Variants in DOCK4 observed in about 807,000 individuals in gnomAD.
The protein encoded by DOCK4 is dedicator of cytokinesis 4.
A neutral mutation model predicts 268.1 loss-of-function variants in DOCK4; 97 were observed. That is an observed-to-expected ratio of 0.36 (90% confidence interval 0.31 to 0.43). The LOEUF (loss-of-function observed/expected upper bound fraction) is 0.43. Among genes scored for constraint, DOCK4 ranks in the 20% least tolerant of loss-of-function variants. The pLI is 1.00. For missense variants in DOCK4, 2,145 were observed against 2,455.7 expected (o/e 0.87, Z 2.67); for synonymous variants, 954 against 887.2 (o/e 1.08, Z -1.34).
In DOCK4 at chr7:112,164,317, CATATTA is replaced by C. The variant is rs146777428; in HGVS notation, c.37+41779_37+41784del. On this transcript the variant is annotated intron_variant, in intron 1 of 52. Transcript: ENST00000428084. ...GTCTTGAAGGCATTTGTATTCTAAT[CATATTA>C]ATATCACCCTGCACATCTTTACTGG... Among the ~76,000 whole-genome samples the C allele has an allele frequency of 4.5e-3, 686 of 152,168 alleles. 7 individuals are homozygous for C. The highest frequency in any genetic ancestry group is 0.016 in the African/African-American group (661 of 41,508).
At chr7:111,939,036 T>C (rs1370737780) in intron 11 of DOCK4, among the ~76,000 whole-genome samples, 1 of 149,364 alleles carries the variant, frequency 6.7e-6, no homozygotes, top group Non-Finnish European at 1.5e-5. Context: ...ATGAACACCA[T>C]GTGAAGATGA....
At chr7:112,006,489 T>C (rs927194724) in intron 1 of DOCK4, among the ~76,000 whole-genome samples, 1 of 152,228 alleles carries the variant, frequency 6.6e-6, no homozygotes, top group Non-Finnish European at 1.5e-5. Flanking sequence ...AACCATGTAT[T>C]ATCTCATTTC....
intron 10 of DOCK4, among the ~76,000 whole-genome samples, chr7:111,942,389 G>A (rs1451062521): frequency 6.6e-6 from 1 of 152,146 alleles, no homozygotes; most frequent in East Asian, 1.9e-4. Flanking sequence ...TAAGAAGTAT[G>A]TGTCCCTTGT....
At chr7:112,083,083 ACTT>A (rs1316232671) in intron 1 of DOCK4, among the ~76,000 whole-genome samples, 12 of 152,128 alleles carry the variant, frequency 7.9e-5, no homozygotes, top group Admixed American at 6.5e-4. Flanking sequence ...TTAATAATGT[ACTT>A]CTTTTCAGAG....
chr7:112,041,451 G>A (rs1411063279), intron 1 of DOCK4, among the ~76,000 whole-genome samples: 3 of 152,126 alleles, frequency 2.0e-5, no homozygotes, highest in Admixed American at 6.6e-5. Context: ...TTCAGATGAA[G>A]GTTGGTGGGG....
At chr7:112,187,404 C>A (rs909185549) in intron 1 of DOCK4, among the ~76,000 whole-genome samples, 1 of 152,152 alleles carries the variant, frequency 6.6e-6, no homozygotes, top group African/African-American at 2.4e-5. Flanking sequence ...GTGCAACAGC[C>A]ACATTTCCTT....
intron 1 of DOCK4, among the ~76,000 whole-genome samples, chr7:112,078,895 G>A (rs1808331107): frequency 6.6e-6 from 1 of 152,154 alleles, no homozygotes; most frequent in African/African-American, 2.4e-5. Flanking sequence ...GGAGGTCGAG[G>A]CAGGTGGATC....
At chr7:111,873,510 G>GAC (rs1806598538) in intron 17 of DOCK4, among the ~76,000 whole-genome samples, 1 of 152,194 alleles carries the variant, frequency 6.6e-6, no homozygotes, top group African/African-American at 2.4e-5. Flanking sequence ...GCCGAGAGAG[G>GAC]AGCCAGGACA....
intron 22 of DOCK4, among the ~76,000 whole-genome samples, chr7:111,864,681 C>A (rs1805828631): frequency 1.3e-5 from 2 of 152,146 alleles, no homozygotes; most frequent in Non-Finnish European, 2.9e-5. Context: ...ACAGCAATGG[C>A]CCTTGGCTCT....
At chr7:112,205,327 A>T (rs2116915519) in intron 1 of DOCK4, among the ~76,000 whole-genome samples, 1 of 151,760 alleles carries the variant, frequency 6.6e-6, no homozygotes, top group South Asian at 2.1e-4. Context: ...CTCCCCATTT[A>T]TCACTCAGCA....
chr7:112,020,292 C>A (rs765390898), intron 1 of DOCK4, among the ~76,000 whole-genome samples: 3 of 152,124 alleles, frequency 2.0e-5, no homozygotes, highest in Non-Finnish European at 2.9e-5. Context: ...TTGGGTCCTG[C>A]TAGAAGTAAC....
intron 3 of DOCK4, among the ~76,000 whole-genome samples, chr7:112,000,234 A>T (rs1161654257): frequency 6.6e-6 from 1 of 152,140 alleles, no homozygotes; most frequent in Non-Finnish European, 1.5e-5. Flanking sequence ...CTACCACTTC[A>T]AAAAGATTTT....
chr7:111,735,438 A>C (rs1453577929), intron 50 of DOCK4, among the ~76,000 whole-genome samples: 1 of 152,192 alleles, frequency 6.6e-6, no homozygotes, highest in Non-Finnish European at 1.5e-5. Context: ...ACTTGCTGAG[A>C]ATTACAAATG....
chr7:112,034,082 T>C lies in DOCK4; in HGVS notation c.38-29951A>G, dbSNP rs140742868. ...CATATGGGAAATACAGAGAGAGCTGTTCATGTGTGCATTTTGAGGGCAGGA... is the reference window on the plus strand; with the variant it reads ...CATATGGGAAATACAGAGAGAGCTGCTCATGTGTGCATTTTGAGGGCAGGA... On this transcript the variant is annotated intron_variant, in intron 1 of 52. Coordinates refer to ENST00000428084, the MANE Select transcript of DOCK4 (RefSeq NM_001363540.2). Among the ~76,000 whole-genome samples, 880 of 152,198 alleles carry C rather than the reference T, an allele frequency of 5.8e-3. 31 individuals are homozygous for C. The highest frequency in any genetic ancestry group is 0.052 in the Admixed American group (789 of 15,274).
At chr7:111,955,749 T>A (rs1271846218) in intron 8 of DOCK4, among the ~76,000 whole-genome samples, 2 of 152,350 alleles carry the variant, frequency 1.3e-5, no homozygotes, top group South Asian at 4.1e-4. Context: ...TCAGCTGCTG[T>A]TTCACATCTT....
At chr7:112,034,620 G>C (rs1177125643) in intron 1 of DOCK4, among the ~76,000 whole-genome samples, 1 of 152,216 alleles carries the variant, frequency 6.6e-6, no homozygotes, top group Non-Finnish European at 1.5e-5. Context: ...AAAAATTTTG[G>C]CCAGATGCGG....
chr7:112,023,740 C>A (rs1708323579), intron 1 of DOCK4: 1 of 337,030 alleles, frequency 3.0e-6, no homozygotes, highest in Admixed American at 3.8e-5. Flanking sequence ...CCTTGTGCAG[C>A]ATTATTTCTG....
intron 23 of DOCK4, among the ~76,000 whole-genome samples, chr7:111,852,371 A>T (rs1804646100): frequency 6.6e-6 from 1 of 152,200 alleles, no homozygotes; most frequent in Admixed American, 6.5e-5. Context: ...CATTCTATAC[A>T]TTAAGAAAAC....
intron 1 of DOCK4, among the ~76,000 whole-genome samples, chr7:112,016,200 T>G (rs1393629456): frequency 6.6e-6 from 1 of 152,260 alleles, no homozygotes; most frequent in Non-Finnish European, 1.5e-5. Context: ...CTTCCCATAT[T>G]GGACTGTTTC....
Sources: allele counts gnomAD v4.1 joint callset (sites outside exome capture counted in the v4.1 genomes callset), GRCh38; gene constraint gnomAD v4.1.1; transcripts MANE v1.5; gene names NCBI Gene and HGNC (gene_info 2026-07-23, HGNC 2026-07-21).